PRR16: variants seen among roughly 807,000 people sequenced by gnomAD.
PRR16 encodes proline rich 16.
Under a neutral mutation model 18.2 loss-of-function variants are expected in PRR16, and 6 were observed. The observed-to-expected ratio is 0.33, with a 90% confidence interval of 0.18 to 0.65. The LOEUF (loss-of-function observed/expected upper bound fraction) is 0.65, where lower values mean the gene tolerates loss of function less well. PRR16 is among the 30% of genes least tolerant of loss of function. The pLI, the probability that PRR16 is intolerant of heterozygous loss-of-function variation, is 0.74. For synonymous variants in PRR16, 151 were observed against 147.8 expected (o/e 1.02, Z -0.16); for missense variants, 412 against 376.6 (o/e 1.09, Z -0.78).
intron 1 of PRR16, among the ~76,000 whole-genome samples, chr5:120,588,922 T>C (rs1753541317): frequency 6.7e-6 from 1 of 150,280 alleles, no homozygotes; most frequent in Non-Finnish European, 1.5e-5. Flanking sequence ...GTCTAACCAA[T>C]AGATTTTTTT....
At chr5:120,701,363 G>T in the PRR16 span, among the ~76,000 whole-genome samples, 1 of 152,122 alleles carries the variant, frequency 6.6e-6, no homozygotes, top group Non-Finnish European at 1.5e-5. Flanking sequence ...TCTCAGGGTT[G>T]CTGCCAAACA....
the PRR16 span, among the ~76,000 whole-genome samples, chr5:120,769,049 C>T: frequency 6.6e-6 from 1 of 151,338 alleles, no homozygotes; most frequent in Non-Finnish European, 1.5e-5. Context: ...AAATACTTCT[C>T]AGTGTCCTCA....
At chr5:120,681,229 C>G (rs776460678) in intron 1 of PRR16, among the ~76,000 whole-genome samples, 1 of 151,960 alleles carries the variant, frequency 6.6e-6, no homozygotes, top group Non-Finnish European at 1.5e-5. Flanking sequence ...TTCTTATTTT[C>G]TGCCTTGTTA....
At chr5:120,551,964 C>T (rs17146780) in intron 1 of PRR16, among the ~76,000 whole-genome samples, 7,497 of 152,006 alleles carry the variant, frequency 0.049, 228 homozygotes, top group East Asian at 0.1. Context: ...GACTTACTTT[C>T]TCATTTAGGA....
At chr5:120,724,165 C>A in the PRR16 span, among the ~76,000 whole-genome samples, 2 of 151,984 alleles carry the variant, frequency 1.3e-5, no homozygotes, top group Non-Finnish European at 2.9e-5. Context: ...AGGTTCTCTT[C>A]CCTGCAAATT....
At chr5:120,732,401 T>C in the PRR16 span, among the ~76,000 whole-genome samples, 1 of 152,148 alleles carries the variant, frequency 6.6e-6, no homozygotes, top group African/African-American at 2.4e-5. Context: ...TATATAATTC[T>C]TTCCAAGGGA....
intron 1 of PRR16, among the ~76,000 whole-genome samples, chr5:120,549,290 G>T (rs1242103861): frequency 6.6e-6 from 1 of 151,962 alleles, no homozygotes; most frequent in Non-Finnish European, 1.5e-5. Flanking sequence ...TGTAGAGATG[G>T]CATATCGCCA....
chr5:120,732,005 C>T, the PRR16 span, among the ~76,000 whole-genome samples: 1 of 152,144 alleles, frequency 6.6e-6, no homozygotes, highest in Non-Finnish European at 1.5e-5. Context: ...GGAATAGTCA[C>T]TGACCCTGGA....
intron 1 of PRR16, among the ~76,000 whole-genome samples, chr5:120,569,694 CG>C (rs1047006220): frequency 1.7e-4 from 26 of 151,952 alleles, no homozygotes; most frequent in Non-Finnish European, 3.7e-4. Context: ...TGTCATGTTC[CG>C]GAGTGATCAA....
intron 1 of PRR16, among the ~76,000 whole-genome samples, chr5:120,633,781 CCAAATTT>C: frequency 1.0e-4 from 2 of 19,250 alleles, no homozygotes; most frequent in Non-Finnish European, 4.5e-4. Flanking sequence ...TAGTGGAGGA[CCAAATTT>C]GTAAAACAGT....
At chr5:120,723,525 A>C in the PRR16 span, among the ~76,000 whole-genome samples, 1 of 152,066 alleles carries the variant, frequency 6.6e-6, no homozygotes, top group Admixed American at 6.6e-5. Flanking sequence ...GCTGATGTCA[A>C]ATAACATTGT....
At chr5:120,641,856 C>T (rs1452503824) in intron 1 of PRR16, among the ~76,000 whole-genome samples, 2 of 152,092 alleles carry the variant, frequency 1.3e-5, no homozygotes, top group Non-Finnish European at 2.9e-5. Flanking sequence ...AGATATTTAT[C>T]TGGATGTCCT....
At chr5:120,537,598 G>A (rs1217570164) in intron 1 of PRR16, among the ~76,000 whole-genome samples, 1 of 128,858 alleles carries the variant, frequency 7.8e-6, no homozygotes, top group East Asian at 2.2e-4. Flanking sequence ...TAAGCTAAAT[G>A]AGCTGTATTT....
rs567843807 is a variant in PRR16 at position 120,672,685 on chromosome 5, T to C, written c.160-13269T>C. Reference sequence around the variant, plus strand: ...ATTCTTATTACATTACTGTGATGCTTGCAGAATATTTTTTATTGAGCTAGT... The same window carrying C: ...ATTCTTATTACATTACTGTGATGCTCGCAGAATATTTTTTATTGAGCTAGT... On this transcript the variant is annotated intron_variant, in intron 1 of 1. Transcript: ENST00000407149. Among the ~76,000 whole-genome samples, 5 of 152,228 alleles carry C rather than the reference T, an allele frequency of 3.3e-5. No homozygotes were observed. The East Asian group carries it at 7.7e-4, about 24-fold the overall frequency.
At chr5:120,717,576 T>G in the PRR16 span, among the ~76,000 whole-genome samples, 1 of 152,216 alleles carries the variant, frequency 6.6e-6, no homozygotes, top group Admixed American at 6.5e-5. Context: ...ATGACAGTGC[T>G]GTCTGTCACA....
At chr5:120,760,321 T>G in the PRR16 span, among the ~76,000 whole-genome samples, 1 of 152,108 alleles carries the variant, frequency 6.6e-6, no homozygotes, top group Non-Finnish European at 1.5e-5. Flanking sequence ...AAATAATGTT[T>G]CAAATATATA....
chr5:120,467,831 T>C (rs984122491), intron 1 of PRR16, among the ~76,000 whole-genome samples: 7 of 152,140 alleles, frequency 4.6e-5, no homozygotes, highest in Admixed American at 3.9e-4. Flanking sequence ...AGAAATAATA[T>C]GGGTCCTTTT....
chr5:120,702,257 C>T, the PRR16 span, among the ~76,000 whole-genome samples: 19 of 106,978 alleles, frequency 1.8e-4, no homozygotes, highest in South Asian at 2.8e-4. Flanking sequence ...GGTCGGGGCA[C>T]GGAAATAAGG....
the PRR16 span, among the ~76,000 whole-genome samples, chr5:120,785,983 A>G: frequency 2.0e-5 from 3 of 151,564 alleles, no homozygotes; most frequent in African/African-American, 7.3e-5. Context: ...TCTTTAAAAA[A>G]AAAAGATTTT....
Sources: gnomAD v4.1 joint callset for allele counts (sites outside exome capture counted in the v4.1 genomes callset) on GRCh38, gnomAD v4.1.1 for gene constraint, MANE v1.5 for transcripts, NCBI Gene and HGNC (gene_info 2026-07-23, HGNC 2026-07-21) for gene names.